The following DPYD variants were observed in gnomAD, a reference collection of about 807,000 sequenced individuals.
The protein encoded by DPYD is dihydropyrimidine dehydrogenase.
A neutral mutation model predicts 116.2 loss-of-function variants in DPYD; 109 were observed. The ratio of observed to expected loss-of-function variants is 0.94; its 90% CI spans 0.80 to 1.10. The LOEUF (loss-of-function observed/expected upper bound fraction) is 1.10, where lower values mean the gene tolerates loss of function less well. DPYD is among the 50% of genes least tolerant of loss of function. The pLI is 0.00. For missense variants in DPYD, 1,302 were observed against 1,254.5 expected, an observed-to-expected ratio of 1.04 and a Z score of -0.57; for synonymous variants, 440 against 432.0, an observed-to-expected ratio of 1.02 and a Z score of -0.23.
chr1:97,391,270 T>C (rs969358296), intron 14 of DPYD, among the ~76,000 whole-genome samples: 4 of 151,980 alleles, frequency 2.6e-5, no homozygotes, highest in African/African-American at 9.7e-5. Flanking sequence ...GAATTGCATA[T>C]ACGACTACCC....
intron 21 of DPYD, among the ~76,000 whole-genome samples, chr1:97,087,905 T>C (rs1003947195): frequency 1.3e-5 from 2 of 152,142 alleles, no homozygotes; most frequent in African/African-American, 2.4e-5. Context: ...AAGTAGTGAG[T>C]ATTAATAGAC....
chr1:97,870,820 T>C (rs1253957614), intron 2 of DPYD, among the ~76,000 whole-genome samples: 1 of 151,866 alleles, frequency 6.6e-6, no homozygotes, highest in Non-Finnish European at 1.5e-5. Flanking sequence ...AGTGCATGAA[T>C]AGGACTGTGA....
intron 20 of DPYD, among the ~76,000 whole-genome samples, chr1:97,175,090 T>C (rs1657150094): frequency 6.6e-6 from 1 of 152,198 alleles, no homozygotes; most frequent in Non-Finnish European, 1.5e-5. Context: ...AGTAGAATTG[T>C]TGGGTCTTAC....
In DPYD at chr1:97,223,388, AACACACAC is replaced by A. The variant is rs67855545; in HGVS notation, c.2442+11456_2442+11463del. On this transcript the variant is annotated intron_variant, in intron 19 of 22. Transcript: ENST00000370192. ...AACCCACGCAGAAAAGATAGAATTA[AACACACAC>A]ACACACACACACACACACACACAAA... 2.6e-4 allele frequency among the ~76,000 whole-genome samples: 39 copies of A among 148,428 alleles called. 2 individuals are homozygous for A. In the South Asian group the frequency reaches 7.3e-3, roughly 28 times the overall value.
In DPYD at chr1:97,247,990, G is replaced by C. The variant is rs984760706; in HGVS notation, c.2300-12996C>G. 4.6e-5 allele frequency among the ~76,000 whole-genome samples: 7 copies of C among 152,290 alleles called. No homozygotes were observed. The South Asian group carries it at 1.5e-3, about 32-fold the overall frequency. The stretch of plus-strand genomic sequence containing the variant: ...CTTGTAGAAGATAGAGGAAGAATGA[G>C]CCAATCTCAACTCATTTTATAAAGC... On this transcript the variant is annotated intron_variant, in intron 18 of 22. Coordinates refer to ENST00000370192, the MANE Select transcript of DPYD (RefSeq NM_000110.4).
intron 13 of DPYD, among the ~76,000 whole-genome samples, chr1:97,473,744 C>T (rs914493705): frequency 1.3e-5 from 2 of 152,160 alleles, no homozygotes; most frequent in African/African-American, 2.4e-5. Context: ...CAGTGGCTCA[C>T]ACTTGTAATC....
At position 97,203,551 on chromosome 1, in the gene DPYD, C is replaced by G. The variant is rs370565609; in HGVS notation, c.2443-10303G>C. Among the ~76,000 whole-genome samples, 31 of 150,042 alleles carry G rather than the reference C, an allele frequency of 2.1e-4. No individual in the cohort carries two copies. The East Asian group carries it at 5.7e-3, about 28-fold the overall frequency. On this transcript the variant is annotated intron_variant, in intron 19 of 22. Coordinates refer to ENST00000370192, the MANE Select transcript of DPYD (RefSeq NM_000110.4). ...CTAGATGACGAGTTAGTGGGTGCAG[C>G]GCACCAGCATGGCACATGTATACAT...
intron 20 of DPYD, among the ~76,000 whole-genome samples, chr1:97,124,448 C>A (rs916464578): frequency 6.6e-6 from 1 of 151,950 alleles, no homozygotes; most frequent in Non-Finnish European, 1.5e-5. Flanking sequence ...TACAGTTACC[C>A]AAAAAAACAG....
chr1:97,407,913 C>A (rs910452878), intron 14 of DPYD, among the ~76,000 whole-genome samples: 1 of 152,102 alleles, frequency 6.6e-6, no homozygotes, highest in Non-Finnish European at 1.5e-5. Context: ...TGCCACCTGG[C>A]CATTTTGGGC....
At chr1:97,693,166 C>T (rs1387583469) in intron 6 of DPYD, among the ~76,000 whole-genome samples, 1 of 151,594 alleles carries the variant, frequency 6.6e-6, no homozygotes, top group Non-Finnish European at 1.5e-5. Context: ...TGGCGGGCAC[C>T]TGTAGTCCCA....
intron 3 of DPYD, among the ~76,000 whole-genome samples, chr1:97,825,939 C>T (rs949559764): frequency 6.6e-6 from 1 of 152,118 alleles, no homozygotes; most frequent in African/African-American, 2.4e-5. Context: ...TTAAAAAGCA[C>T]CTGACCCACC....
At chr1:97,607,709 A>G (rs906262257) in intron 8 of DPYD, among the ~76,000 whole-genome samples, 2 of 151,926 alleles carry the variant, frequency 1.3e-5, no homozygotes, top group Non-Finnish European at 2.9e-5. Flanking sequence ...AAAAAGCGGC[A>G]TGCTGGAAGT....
chr1:97,650,600 G>C (rs1287917859), intron 8 of DPYD, among the ~76,000 whole-genome samples: 1 of 152,064 alleles, frequency 6.6e-6, no homozygotes, highest in African/African-American at 2.4e-5. Flanking sequence ...AGAGGAGCTT[G>C]CTCATAATTA....
chr1:97,670,548 C>A (rs1446485851), intron 8 of DPYD, among the ~76,000 whole-genome samples: 2 of 152,176 alleles, frequency 1.3e-5, no homozygotes, highest in Non-Finnish European at 2.9e-5. Flanking sequence ...CCCAGCCATG[C>A]TGGCATTCTG....
chr1:97,694,172 TGA>T (rs1287867029), intron 6 of DPYD, among the ~76,000 whole-genome samples: 1 of 152,136 alleles, frequency 6.6e-6, no homozygotes, highest in Non-Finnish European at 1.5e-5. Context: ...CGAATAAGTG[TGA>T]GAGAATCCAT....
At chr1:97,528,752 A>C (rs1649342066) in intron 12 of DPYD, among the ~76,000 whole-genome samples, 1 of 151,766 alleles carries the variant, frequency 6.6e-6, no homozygotes, top group South Asian at 2.1e-4. Context: ...ATTATTTTTG[A>C]CTCCATTCTC....
intron 3 of DPYD, among the ~76,000 whole-genome samples, chr1:97,793,603 A>G (rs1428479873): frequency 6.6e-6 from 1 of 152,214 alleles, no homozygotes; most frequent in East Asian, 1.9e-4. Context: ...TGGAGAAATG[A>G]GTCTTTTCCA....
chr1:97,373,217 A>G (rs913642912), intron 16 of DPYD, among the ~76,000 whole-genome samples: 2 of 152,220 alleles, frequency 1.3e-5, no homozygotes, highest in African/African-American at 2.4e-5. Flanking sequence ...TTTGTACAGT[A>G]TATTGCTCCA....
intron 3 of DPYD, among the ~76,000 whole-genome samples, chr1:97,804,737 T>C (rs1275149198): frequency 6.6e-6 from 1 of 151,850 alleles, no homozygotes; most frequent in East Asian, 1.9e-4. Flanking sequence ...AGTGTTTAAG[T>C]GGTCACATAA....
Sources: gnomAD v4.1 joint callset for allele counts (sites outside exome capture counted in the v4.1 genomes callset) on GRCh38, gnomAD v4.1.1 for gene constraint, MANE v1.5 for transcripts, NCBI Gene and HGNC (gene_info 2026-07-23, HGNC 2026-07-21) for gene names.